Variants in PPARGC1A observed in about 807,000 individuals in gnomAD.
PPARGC1A encodes peroxisome proliferator-activated receptor gamma coactivator 1-alpha.
A neutral mutation model predicts 88.7 loss-of-function variants in PPARGC1A; 25 were observed. The observed-to-expected ratio is 0.28, with a 90% CI of 0.21 to 0.39. The LOEUF (loss-of-function observed/expected upper bound fraction) is 0.39. PPARGC1A is among the 10% of genes least tolerant of loss of function. The probability of loss-of-function intolerance (pLI) is 1.00; values close to 1 mark genes in which losing one functional copy is unlikely to be tolerated. For missense variants in PPARGC1A, 880 were observed against 968.7 expected, an observed-to-expected ratio of 0.91 and a Z score of 1.22; for synonymous variants, 363 against 355.6, an observed-to-expected ratio of 1.02 and a Z score of -0.24.
At chr4:24,043,066 A>G in the PPARGC1A span, among the ~76,000 whole-genome samples, 1 of 152,178 alleles carries the variant, frequency 6.6e-6, no homozygotes, top group Admixed American at 6.5e-5. Flanking sequence ...TTTTGTAGGC[A>G]GCTATTTGGG....
At chr4:24,014,679 C>A in the PPARGC1A span, among the ~76,000 whole-genome samples, 1 of 152,094 alleles carries the variant, frequency 6.6e-6, no homozygotes, top group Non-Finnish European at 1.5e-5. Flanking sequence ...TCATAGGCAG[C>A]TCACAATATA....
chr4:23,958,948 G>C, the PPARGC1A span, among the ~76,000 whole-genome samples: 1 of 149,878 alleles, frequency 6.7e-6, no homozygotes, highest in Non-Finnish European at 1.5e-5. Context: ...GCAGAATTTG[G>C]AACATATCCT....
chr4:24,215,114 C>T, the PPARGC1A span, among the ~76,000 whole-genome samples: 2 of 152,206 alleles, frequency 1.3e-5, no homozygotes, highest in Admixed American at 6.5e-5. Flanking sequence ...AAATACCGCT[C>T]TTGCTCTCCT....
chr4:24,128,979 G>C, the PPARGC1A span, among the ~76,000 whole-genome samples: 1 of 152,186 alleles, frequency 6.6e-6, no homozygotes, highest in Non-Finnish European at 1.5e-5. Flanking sequence ...ACTTCACCGG[G>C]AAGAGCAGAA....
chr4:23,824,413 A>G (rs1381459720), intron 6 of PPARGC1A, 50 bp downstream of exon 6: 2 of 1,605,508 alleles, frequency 1.2e-6, no homozygotes, highest in Non-Finnish European at 1.7e-6. Context: ...AGCCAAATGT[A>G]TTAGAACCCC....
At chr4:24,289,007 G>A in the PPARGC1A span, among the ~76,000 whole-genome samples, 493 of 152,202 alleles carry the variant, frequency 3.2e-3, 9 homozygotes, top group East Asian at 0.048. Flanking sequence ...GGATCACGAC[G>A]TCAGGAGTTC....
At chr4:24,255,266 A>G in the PPARGC1A span, among the ~76,000 whole-genome samples, 2 of 152,238 alleles carry the variant, frequency 1.3e-5, no homozygotes, top group South Asian at 4.1e-4. Context: ...TATTCCATCA[A>G]AACACCTCAA....
At chr4:24,456,067 C>A in the PPARGC1A span, among the ~76,000 whole-genome samples, 67 of 152,134 alleles carry the variant, frequency 4.4e-4, no homozygotes, top group South Asian at 1.5e-3. Flanking sequence ...AGGTATAGTA[C>A]CCAGCATTAG....
the PPARGC1A span, among the ~76,000 whole-genome samples, chr4:23,947,393 A>G: frequency 1.1e-4 from 1 of 9,200 alleles, no homozygotes; most frequent in African/African-American, 2.3e-4. Context: ...ATATATATAT[A>G]TATAAAAAAA....
the PPARGC1A span, among the ~76,000 whole-genome samples, chr4:24,094,690 T>C: frequency 6.6e-6 from 1 of 152,182 alleles, no homozygotes; most frequent in African/African-American, 2.4e-5. Flanking sequence ...AATTCAATGC[T>C]GATAAAACAA....
the PPARGC1A span, among the ~76,000 whole-genome samples, chr4:24,025,747 A>G: frequency 1.3e-4 from 20 of 151,232 alleles, no homozygotes; most frequent in African/African-American, 4.9e-4. Context: ...ACATTGTCAT[A>G]AATACACGTA....
the PPARGC1A span, among the ~76,000 whole-genome samples, chr4:24,321,816 A>C: frequency 6.6e-6 from 1 of 152,244 alleles, no homozygotes; most frequent in Admixed American, 6.5e-5. Context: ...TTCAAATGAA[A>C]AGAGACTTAA....
At chr4:23,974,804 T>TA in the PPARGC1A span, among the ~76,000 whole-genome samples, 1 of 122,474 alleles carries the variant, frequency 8.2e-6, no homozygotes, top group African/African-American at 3.4e-5. Context: ...GGCTAATTTT[T>TA]TTTTTTTTTT....
the PPARGC1A span, among the ~76,000 whole-genome samples, chr4:24,432,435 G>A: frequency 6.6e-6 from 1 of 152,292 alleles, no homozygotes; most frequent in African/African-American, 2.4e-5. Context: ...GGAGAGCAGA[G>A]GGATTTCATG....
At chr4:23,860,030 G>C (rs2148707554) in intron 2 of PPARGC1A, among the ~76,000 whole-genome samples, 1 of 152,086 alleles carries the variant, frequency 6.6e-6, no homozygotes, top group East Asian at 1.9e-4. Flanking sequence ...TCAGTGCTTT[G>C]GGAACTCTAC....
the PPARGC1A span, among the ~76,000 whole-genome samples, chr4:24,328,799 G>A: frequency 6.6e-6 from 1 of 152,214 alleles, no homozygotes. Flanking sequence ...GGCAGTGGAG[G>A]GGAAGCAATG....
At chr4:24,063,378 C>T in the PPARGC1A span, among the ~76,000 whole-genome samples, 8 of 152,230 alleles carry the variant, frequency 5.3e-5, no homozygotes, top group South Asian at 2.1e-4. Flanking sequence ...TGTTTTCTTC[C>T]GTTTAAACAA....
At chr4:24,077,531 T>C in the PPARGC1A span, among the ~76,000 whole-genome samples, 1 of 151,778 alleles carries the variant, frequency 6.6e-6, no homozygotes. Flanking sequence ...TTCTCAATTC[T>C]TTGCATAGGA....
At chr4:24,163,117 A>T in the PPARGC1A span, among the ~76,000 whole-genome samples, 2 of 150,208 alleles carry the variant, frequency 1.3e-5, no homozygotes, top group African/African-American at 4.9e-5. Context: ...TTATTTCTCA[A>T]AAATACAGGA....
Sources: allele counts gnomAD v4.1 joint callset (sites outside exome capture counted in the v4.1 genomes callset), GRCh38; gene constraint gnomAD v4.1.1; transcripts MANE v1.5; gene names NCBI Gene and HGNC (gene_info 2026-07-23, HGNC 2026-07-21).